FHAD1: variants seen among roughly 807,000 people sequenced by gnomAD.
FHAD1 encodes the protein forkhead associated phosphopeptide binding domain 1, also known as forkhead-associated domain-containing protein 1.
Under a neutral mutation model 191.3 loss-of-function variants are expected in FHAD1, and 146 were observed. The observed-to-expected ratio is 0.76, with a 90% CI of 0.67 to 0.88. The LOEUF is 0.88. Among genes scored for constraint, FHAD1 ranks in the 40% least tolerant of loss-of-function variants. FHAD1 has a pLI of 0.00. For missense variants in FHAD1, 1,635 were observed against 1,785.8 expected (o/e 0.92, Z 1.52); for synonymous variants, 616 against 672.3 (o/e 0.92, Z 1.29).
chr1:15,360,814 C>A, intron 22 of FHAD1, 111 bp downstream of exon 22: 1 of 851,412 alleles, frequency 1.2e-6, no homozygotes, highest in Non-Finnish European at 1.8e-6. Context: ...CATTCGAAAG[C>A]TCATTCATTC....
chr1:15,400,693 C>A (rs1707083807), downstream of FHAD1, among the ~76,000 whole-genome samples: 1 of 152,204 alleles, frequency 6.6e-6, no homozygotes, highest in Non-Finnish European at 1.5e-5. Flanking sequence ...ATGTCAGTAG[C>A]ACTGAGGTTG....
downstream of FHAD1, among the ~76,000 whole-genome samples, chr1:15,401,290 G>C (rs1446371804): frequency 6.6e-6 from 1 of 152,130 alleles, no homozygotes. Context: ...GCTTTAGCTG[G>C]TTTGAGTTTC....
chr1:15,377,269 C>T (rs368494767), intron 28 of FHAD1, among the ~76,000 whole-genome samples: 4 of 152,302 alleles, frequency 2.6e-5, no homozygotes, highest in South Asian at 2.1e-4. Context: ...TGGAAATGAG[C>T]TGGTTTTCTA....
At chr1:15,288,627 C>A (rs1465138682) in intron 3 of FHAD1, among the ~76,000 whole-genome samples, 1 of 152,194 alleles carries the variant, frequency 6.6e-6, no homozygotes, top group Non-Finnish European at 1.5e-5. Flanking sequence ...CATTTGAGGA[C>A]CTACTAGGTA....
At chr1:15,292,401 T>C (rs1426371479) in intron 4 of FHAD1, among the ~76,000 whole-genome samples, 1 of 152,184 alleles carries the variant, frequency 6.6e-6, no homozygotes, top group African/African-American at 2.4e-5. Flanking sequence ...TGGCACGATC[T>C]CGGCTTACAG....
In FHAD1 at chr1:15,389,987, C is replaced by T. The variant is rs562559353; in HGVS notation, c.4270-1223C>T. ...AGCACCAGCTAGATGCCAGGCAGGG[C>T]GGCCCTGAGGCAGACGTCACAAAAT... On this transcript the variant is annotated intron_variant, in intron 32 of 33. Transcript: ENST00000688493. Among the ~76,000 whole-genome samples the T allele has an allele frequency of 7.9e-5, 12 of 152,290 alleles. No homozygotes were observed. In the South Asian group the frequency reaches 1.5e-3, roughly 18 times the overall value.
Position 15,349,157 on chromosome 1 carries a change from C to G in FHAD1, c.2454+8C>G. The stretch of plus-strand genomic sequence containing the variant: ...TTAACCCAACAGAAGGAGGTATGAG[C>G]AGCAGCAGGAAAGAATCCTCTGGAA... On this transcript the variant is annotated splice_region_variant and intron_variant, in intron 19 of 33. Transcript: ENST00000688493. The G allele has an allele frequency of 1.3e-6, 2 of 1,536,550 alleles. No homozygotes were observed. Among genetic ancestry groups the G allele is most frequent in the Non-Finnish European group, 1.8e-6 (2 of 1,133,350 alleles).
intron 2 of FHAD1, among the ~76,000 whole-genome samples, chr1:15,256,642 G>C (rs1484013083): frequency 1.3e-5 from 1 of 75,252 alleles, no homozygotes; most frequent in Non-Finnish European, 2.3e-5. Flanking sequence ...ACAAGACTCT[G>C]TCCAAAAAAA....
In FHAD1 at chr1:15,251,766, T is replaced by C. The variant is rs1481059199; in HGVS notation, c.-14-5T>C. ...AACAAAATTCTTTCTGAAAACCTTATGTAGGGAAAACAGAGAGGATGAAGG... is the reference window on the plus strand; with the variant it reads ...AACAAAATTCTTTCTGAAAACCTTACGTAGGGAAAACAGAGAGGATGAAGG... On this transcript the variant is annotated splice_region_variant and splice_polypyrimidine_tract_variant and intron_variant, in intron 1 of 33. Coordinates refer to ENST00000688493, the MANE Select transcript of FHAD1 (RefSeq NM_001391957.1). The C allele has an allele frequency of 2.6e-6, 4 of 1,542,712 alleles. No individual in the cohort carries two copies. Among genetic ancestry groups the C allele is most frequent in the East Asian group, 2.4e-5 (1 of 40,880 alleles).
chr1:15,292,959 T>C (rs151104155), intron 4 of FHAD1, among the ~76,000 whole-genome samples: 3 of 152,292 alleles, frequency 2.0e-5, no homozygotes, highest in Non-Finnish European at 4.4e-5. Context: ...TTTAATAAAG[T>C]AAAATTAATT....
intron 6 of FHAD1, among the ~76,000 whole-genome samples, chr1:15,305,587 T>C (rs914188963): frequency 6.6e-6 from 1 of 152,194 alleles, no homozygotes; most frequent in Non-Finnish European, 1.5e-5. Flanking sequence ...CAACTTGAAT[T>C]GTATCCCAGA....
Position 15,367,549 on chromosome 1 carries a change from G to A in FHAD1, c.3241G>A (p.Glu1081Lys). Residue 1081 changes from glutamate to lysine, a missense_variant, in exon 25 of 34, where the codon GAG becomes AAG. Glu to Lys is a moderately conservative substitution (Grantham distance 56). Transcript: ENST00000688493. ...QQSKELSVLK[E>K]KMAQMSSLVE... ...GAGCAAGGAGCTGAGTGTGCTCAAGGAGAAGATGGCCCAGATGAGCAGCCT... is the reference window on the plus strand; with the variant it reads ...GAGCAAGGAGCTGAGTGTGCTCAAGAAGAAGATGGCCCAGATGAGCAGCCT... The A allele has an allele frequency of 6.5e-7, 1 of 1,526,930 alleles. No homozygotes were observed. The allele number at this position is 1,526,930 out of a possible 1,614,324, so 94.6% of individuals were successfully genotyped here.
At position 15,289,751 on chromosome 1, in the gene FHAD1, T is replaced by A; in HGVS notation, c.568+85T>A. On this transcript the variant is annotated intron_variant, in intron 4 of 33. Coordinates refer to ENST00000688493, the MANE Select transcript of FHAD1 (RefSeq NM_001391957.1). The surrounding 1 kb of genome is among the most constrained non-coding windows in gnomAD (Gnocchi z 4.2). Reference sequence around the variant, plus strand: ...TTGGTTTTGGTTTACTTTCTGATTCTAAAAGTAGAACATATTCAATTGTAA... The same window carrying A: ...TTGGTTTTGGTTTACTTTCTGATTCAAAAAGTAGAACATATTCAATTGTAA... 1 of 1,431,222 alleles carries A rather than the reference T, an allele frequency of 7.0e-7. No homozygotes were observed. Among genetic ancestry groups the A allele is most frequent in the Non-Finnish European group, 9.2e-7 (1 of 1,082,244 alleles). 88.7% of individuals were successfully genotyped at this position (1,431,222 alleles called of 1,614,324 possible). A position where few individuals can be genotyped will look rare whatever the true frequency, so the allele number is the denominator to read the frequency against.
At chr1:15,269,222 T>C (rs929126034) in intron 2 of FHAD1, among the ~76,000 whole-genome samples, 10 of 152,186 alleles carry the variant, frequency 6.6e-5, no homozygotes, top group Non-Finnish European at 8.8e-5. Context: ...TATACTGCTC[T>C]TCTTCCTCTA....
chr1:15,361,773 G>C (rs971897648), intron 22 of FHAD1, among the ~76,000 whole-genome samples: 9 of 151,126 alleles, frequency 6.0e-5, no homozygotes, highest in African/African-American at 2.2e-4. Context: ...TCCGGAGGCC[G>C]AGGCCGGCGG....
chr1:15,355,795 G>A (rs776147748), intron 20 of FHAD1, among the ~76,000 whole-genome samples: 5 of 152,130 alleles, frequency 3.3e-5, no homozygotes, highest in South Asian at 2.1e-4. Flanking sequence ...GGAGTTAAGC[G>A]GAGGTACACA....
At chr1:15,337,895 G>A (rs1421365336) in intron 14 of FHAD1, among the ~76,000 whole-genome samples, 1 of 152,172 alleles carries the variant, frequency 6.6e-6, no homozygotes, top group Non-Finnish European at 1.5e-5. Context: ...GTGGCGTTGG[G>A]CAGGCCTGCG....
rs539950612 is a variant in FHAD1 at position 15,330,246 on chromosome 1, G to A, written c.1906+705G>A. Among the ~76,000 whole-genome samples, 10 of 152,324 alleles carry A rather than the reference G, an allele frequency of 6.6e-5. No individual in the cohort carries two copies. In the East Asian group the frequency reaches 1.9e-3, roughly 29 times the overall value. On this transcript the variant is annotated intron_variant, in intron 14 of 33. Coordinates refer to ENST00000688493, the MANE Select transcript of FHAD1 (RefSeq NM_001391957.1). ...TTTTCACACTCATAAATCATGCTGG[G>A]ATGAACATTGTTGCACACATACCTG... is the stretch of plus-strand genomic sequence containing the variant.
chr1:15,274,248 G>C (rs1657360021), intron 3 of FHAD1, among the ~76,000 whole-genome samples: 1 of 152,178 alleles, frequency 6.6e-6, no homozygotes, highest in Non-Finnish European at 1.5e-5. Flanking sequence ...AATCACATAA[G>C]TGTGTCACCC....
Sources: gnomAD v4.1 joint callset for allele counts (sites outside exome capture counted in the v4.1 genomes callset) on GRCh38, gnomAD v4.1.1 for gene constraint, Gnocchi (gnomAD v3.1) non-coding constraint, MANE v1.5 for transcripts, NCBI Gene and HGNC (gene_info 2026-07-23, HGNC 2026-07-21) for gene names.